The following HCN1 variants were observed in gnomAD, a reference collection of about 807,000 sequenced individuals.
HCN1 encodes potassium/sodium hyperpolarization-activated cyclic nucleotide-gated channel 1.
A neutral mutation model predicts 78.9 loss-of-function variants in HCN1; 13 were observed. The observed-to-expected ratio is 0.16, with a 90% confidence interval of 0.11 to 0.26. The LOEUF is 0.26. HCN1 is among the 10% of genes least tolerant of loss of function. The probability of loss-of-function intolerance (pLI) is 1.00; values close to 1 mark genes in which losing one functional copy is unlikely to be tolerated. For synonymous variants in HCN1, 552 were observed against 455.5 expected, an observed-to-expected ratio of 1.21 and a Z score of -2.70; for missense variants, 810 against 1,154.3, an observed-to-expected ratio of 0.70 and a Z score of 4.32.
intron 6 of HCN1, among the ~76,000 whole-genome samples, chr5:45,301,488 G>T (rs959044696): frequency 1.1e-3 from 170 of 151,792 alleles, no homozygotes; most frequent in African/African-American, 3.9e-3. Flanking sequence ...GGAAGTCAAG[G>T]GAGGAGGATT....
intron 6 of HCN1, among the ~76,000 whole-genome samples, chr5:45,277,490 A>G (rs2111862647): frequency 6.6e-6 from 1 of 152,250 alleles, no homozygotes; most frequent in South Asian, 2.1e-4. Context: ...AAACAATGCT[A>G]GGCTGTGTCT....
intron 4 of HCN1, among the ~76,000 whole-genome samples, chr5:45,367,927 G>T (rs1312767328): frequency 5.3e-5 from 8 of 151,844 alleles, no homozygotes; most frequent in African/African-American, 1.2e-4. Context: ...GTGTTATCAG[G>T]CAGGAAGTGA....
chr5:45,671,177 C>T (rs1746142937), intron 1 of HCN1, among the ~76,000 whole-genome samples: 1 of 151,538 alleles, frequency 6.6e-6, no homozygotes, highest in East Asian at 1.9e-4. Context: ...CTGTTATCAT[C>T]GATGTTCTGT....
At chr5:45,684,148 C>A (rs1739758095) in intron 1 of HCN1, among the ~76,000 whole-genome samples, 1 of 152,100 alleles carries the variant, frequency 6.6e-6, no homozygotes, top group African/African-American at 2.4e-5. Flanking sequence ...TTTGAAATTA[C>A]AGGCAAAATA....
chr5:45,482,822 A>G lies in HCN1; in HGVS notation c.850-20815T>C, dbSNP rs531962478. 2.0e-5 allele frequency among the ~76,000 whole-genome samples: 3 copies of G among 152,214 alleles called. No homozygotes were observed. The South Asian group carries it at 6.2e-4, about 32-fold the overall frequency. ...GCACATTTATGTTCATGTGTGCTCA[A>G]TATTTAGCTCCCACTTGTAAGTGAG... is the stretch of plus-strand genomic sequence containing the variant. On this transcript the variant is annotated intron_variant, in intron 2 of 7. Coordinates refer to ENST00000303230, the MANE Select transcript of HCN1 (RefSeq NM_021072.4).
At chr5:45,282,613 C>A (rs1300257008) in intron 6 of HCN1, among the ~76,000 whole-genome samples, 2 of 152,172 alleles carry the variant, frequency 1.3e-5, no homozygotes, top group African/African-American at 4.8e-5. Flanking sequence ...CATCCATAAT[C>A]TGGTCCGATT....
chr5:45,317,892 G>A (rs4975877), intron 5 of HCN1, among the ~76,000 whole-genome samples: 49,111 of 151,770 alleles, frequency 0.32, 10,262 homozygotes, highest in African/African-American at 0.58. Flanking sequence ...TTAGAATGGC[G>A]ATCATTAAAA....
rs780942201 is a variant in HCN1, at chr5:45,262,541, T to G, written c.2053A>C (p.Thr685Pro). 3.1e-6 allele frequency: 5 copies of G among 1,613,420 alleles called. No individual in the cohort carries two copies. The highest frequency in any genetic ancestry group is 2.7e-5 in the African/African-American group (2 of 74,844). The change falls in exon 8 of 8, where the codon ACA (threonine) becomes CCA (proline). Residue 685 changes from threonine to proline, a missense_variant. Transcript: ENST00000303230. ...ATGGCTGATGGCTGGGGGGTCTGTG[T>G]GCTGGGACTGGGGGAGTGCAGGTTG... ...HSNLHSPSPS[T>P]QTPQPSAILS...
At chr5:45,507,444 CT>C (rs1467910199) in intron 2 of HCN1, among the ~76,000 whole-genome samples, 1 of 152,110 alleles carries the variant, frequency 6.6e-6, no homozygotes, top group Non-Finnish European at 1.5e-5. Flanking sequence ...GCTAAGAGGA[CT>C]ATGACAGGAT....
chr5:45,596,703 T>C (rs928341746), intron 2 of HCN1, among the ~76,000 whole-genome samples: 1 of 152,210 alleles, frequency 6.6e-6, no homozygotes, highest in Non-Finnish European at 1.5e-5. Flanking sequence ...CCATGAATCA[T>C]GAAATTATGT....
chr5:45,561,976 A>G (rs887629420), intron 2 of HCN1, among the ~76,000 whole-genome samples: 1 of 152,154 alleles, frequency 6.6e-6, no homozygotes, highest in Admixed American at 6.6e-5. Context: ...ATTCTTTATA[A>G]TAAAACTGTA....
intron 5 of HCN1, among the ~76,000 whole-genome samples, chr5:45,328,674 A>T (rs144163905): frequency 1.3e-5 from 2 of 151,608 alleles, no homozygotes; most frequent in Non-Finnish European, 3.0e-5. Context: ...ATGGTGCACA[A>T]TTTCAAACTT....
rs371151900 is a variant in HCN1, at chr5:45,333,577, G to C, written c.1377+19523C>G. On this transcript the variant is annotated intron_variant, in intron 5 of 7. Coordinates refer to ENST00000303230, the MANE Select transcript of HCN1 (RefSeq NM_021072.4). ...TTTTTTCTCAGACCAATGTCTGAGA[G>C]AGTTTCCTCAATGATTTCTTGTAGT... is the stretch of plus-strand genomic sequence containing the variant. 1.6e-4 allele frequency among the ~76,000 whole-genome samples: 24 copies of C among 151,854 alleles called. No homozygotes were observed. In the East Asian group the frequency reaches 2.5e-3, roughly 16 times the overall value.
At chr5:45,644,099 C>T (rs1388812280) in intron 2 of HCN1, 1 of 152,112 alleles carries the variant, frequency 6.6e-6, no homozygotes, top group East Asian at 1.9e-4. Flanking sequence ...CAAGCACATA[C>T]AAAAACACTG....
At chr5:45,493,112 A>AT (rs1240306353) in intron 2 of HCN1, among the ~76,000 whole-genome samples, 1 of 152,114 alleles carries the variant, frequency 6.6e-6, no homozygotes, top group Non-Finnish European at 1.5e-5. Flanking sequence ...CACCTTATAA[A>AT]TATACTGAGA....
chr5:45,600,047 T>A (rs894110030), intron 2 of HCN1, among the ~76,000 whole-genome samples: 4 of 152,104 alleles, frequency 2.6e-5, no homozygotes, highest in Admixed American at 2.6e-4. Context: ...ACTATCAAGC[T>A]AGCAAGGAAA....
chr5:45,408,327 G>A (rs925338822), intron 3 of HCN1, among the ~76,000 whole-genome samples: 3 of 151,994 alleles, frequency 2.0e-5, no homozygotes, highest in African/African-American at 4.8e-5. Flanking sequence ...TATTCACGAT[G>A]TACCATCTTT....
At chr5:45,350,579 C>G (rs1487623226) in intron 5 of HCN1, among the ~76,000 whole-genome samples, 1 of 151,450 alleles carries the variant, frequency 6.6e-6, no homozygotes, top group East Asian at 1.9e-4. Context: ...AAGAGGAAGT[C>G]AAATTGTCCC....
At chr5:45,520,058 T>C (rs1417190773) in intron 2 of HCN1, among the ~76,000 whole-genome samples, 1 of 152,032 alleles carries the variant, frequency 6.6e-6, no homozygotes, top group African/African-American at 2.4e-5. Flanking sequence ...CATTTATGAA[T>C]AAAGATATGG....
Sources: allele counts gnomAD v4.1 joint callset (sites outside exome capture counted in the v4.1 genomes callset), GRCh38; gene constraint gnomAD v4.1.1; transcripts MANE v1.5; gene names NCBI Gene and HGNC (gene_info 2026-07-23, HGNC 2026-07-21).